CAMK2D: variants seen among roughly 807,000 people sequenced by gnomAD.
CAMK2D encodes the protein calcium/calmodulin dependent protein kinase II delta, also known as calcium/calmodulin-dependent protein kinase type II subunit delta.
In CAMK2D, 37 loss-of-function variants were observed where a neutral mutation model predicts 84.0. That is an observed-to-expected ratio of 0.44 (90% CI 0.34 to 0.58). The LOEUF is 0.58. Among genes scored for constraint, CAMK2D ranks in the 20% least tolerant of loss-of-function variants. The probability of loss-of-function intolerance (pLI) is 0.02; values close to 1 mark genes in which losing one functional copy is unlikely to be tolerated. For missense variants in CAMK2D, 448 were observed against 652.5 expected (o/e 0.69, Z 3.41); for synonymous variants, 202 against 212.5 (o/e 0.95, Z 0.43).
intron 2 of CAMK2D, among the ~76,000 whole-genome samples, chr4:113,711,228 ATACT>A (rs539181773): frequency 2.4e-4 from 37 of 151,204 alleles, no homozygotes; most frequent in East Asian, 5.8e-4. Flanking sequence ...CTTATCATAC[ATACT>A]TAAAGTTGAA....
At chr4:113,498,650 C>T (rs2097979124) in intron 16 of CAMK2D, among the ~76,000 whole-genome samples, 1 of 152,158 alleles carries the variant, frequency 6.6e-6, no homozygotes, top group African/African-American at 2.4e-5. Context: ...AATACAAATA[C>T]TATCTCAATT....
At chr4:113,583,491 CT>C (rs2098819995) in intron 4 of CAMK2D, among the ~76,000 whole-genome samples, 1 of 152,162 alleles carries the variant, frequency 6.6e-6, no homozygotes, top group Non-Finnish European at 1.5e-5. Flanking sequence ...GCAACTTGGA[CT>C]CAACTGGTAA....
intron 3 of CAMK2D, among the ~76,000 whole-genome samples, chr4:113,620,169 A>G (rs966685003): frequency 6.6e-6 from 1 of 152,178 alleles, no homozygotes; most frequent in African/African-American, 2.4e-5. Context: ...ATGGTCTTAT[A>G]AAAGCAGTGA....
chr4:113,670,564 CA>C (rs1243442805), intron 2 of CAMK2D, among the ~76,000 whole-genome samples: 2 of 151,886 alleles, frequency 1.3e-5, no homozygotes, highest in Non-Finnish European at 2.9e-5. Context: ...AGTCTACAAT[CA>C]AATAGTACTT....
At chr4:113,628,218 T>C (rs1298858781) in intron 3 of CAMK2D, among the ~76,000 whole-genome samples, 1 of 152,186 alleles carries the variant, frequency 6.6e-6, no homozygotes. Context: ...GCATGAATTA[T>C]AAACACTACT....
intron 4 of CAMK2D, among the ~76,000 whole-genome samples, chr4:113,556,220 A>G (rs1340197456): frequency 6.6e-6 from 1 of 152,208 alleles, no homozygotes; most frequent in Non-Finnish European, 1.5e-5. Flanking sequence ...CAAGGAAATG[A>G]AAGTAATGGA....
chr4:113,537,539 A>G (rs1330271395), intron 6 of CAMK2D, 96 bp from the exon 7 acceptor site: 6 of 700,966 alleles, frequency 8.6e-6, no homozygotes, highest in Non-Finnish European at 1.5e-5. Flanking sequence ...GGGGGAAAAA[A>G]TTCATGCACT....
At chr4:113,740,358 G>A (rs1369434614) in intron 2 of CAMK2D, among the ~76,000 whole-genome samples, 1 of 145,676 alleles carries the variant, frequency 6.9e-6, no homozygotes, top group Non-Finnish European at 1.5e-5. Context: ...CACCTTGAAA[G>A]TATTATGCTA....
chr4:113,513,092 T>C (rs1590472940), intron 12 of CAMK2D: 3 of 822,414 alleles, frequency 3.6e-6, no homozygotes, highest in Non-Finnish European at 4.4e-6. Context: ...TGGTGGCCAC[T>C]GCTGCCAGAA....
chr4:113,457,161 T>C, intron 19 of CAMK2D, 174 bp downstream of exon 19: 2 of 1,434,852 alleles, frequency 1.4e-6, no homozygotes, highest in Non-Finnish European at 1.8e-6. Context: ...AAATGGCTGA[T>C]CTGATTGATC....
intron 6 of CAMK2D, 145 bp from the exon 7 acceptor site, chr4:113,537,588 GA>G: frequency 1.6e-6 from 1 of 614,370 alleles, no homozygotes. Context: ...AAATCCCAGG[GA>G]AAATACAGTT....
intron 4 of CAMK2D, among the ~76,000 whole-genome samples, chr4:113,582,864 T>C (rs1178378683): frequency 6.6e-6 from 1 of 152,232 alleles, no homozygotes; most frequent in Non-Finnish European, 1.5e-5. Flanking sequence ...CACTCTCCCA[T>C]GGCATTCTGC....
chr4:113,587,485 C>T (rs894981670), intron 4 of CAMK2D, among the ~76,000 whole-genome samples: 1 of 152,172 alleles, frequency 6.6e-6, no homozygotes, highest in South Asian at 2.1e-4. Context: ...CTCTCTTTCA[C>T]ACCGTAACAC....
intron 2 of CAMK2D, among the ~76,000 whole-genome samples, chr4:113,667,645 A>G (rs1295819469): frequency 6.6e-6 from 1 of 152,198 alleles, no homozygotes; most frequent in Non-Finnish European, 1.5e-5. Flanking sequence ...AGAAGGGGCT[A>G]AGGAAAGGGC....
chr4:113,756,428 C>T (rs1328526416), intron 2 of CAMK2D, among the ~76,000 whole-genome samples: 1 of 151,806 alleles, frequency 6.6e-6, no homozygotes, highest in East Asian at 1.9e-4. Context: ...CAAAAATTTG[C>T]ACAAAAAAAG....
At chr4:113,505,600 T>A (rs1478640182) in intron 13 of CAMK2D, among the ~76,000 whole-genome samples, 1 of 69,424 alleles carries the variant, frequency 1.4e-5, no homozygotes, top group Non-Finnish European at 3.2e-5. Flanking sequence ...AAAAATTACA[T>A]CTTCAATTAT....
intron 2 of CAMK2D, among the ~76,000 whole-genome samples, chr4:113,751,561 G>T (rs535123289): frequency 1.3e-5 from 2 of 152,024 alleles, no homozygotes; most frequent in African/African-American, 2.4e-5. Context: ...CACGAGGTCC[G>T]GTGTTCGAGA....
intron 8 of CAMK2D, among the ~76,000 whole-genome samples, chr4:113,519,502 C>G (rs1026063316): frequency 6.6e-6 from 1 of 151,416 alleles, no homozygotes; most frequent in African/African-American, 2.4e-5. Flanking sequence ...AAAAAAAACA[C>G]TTTTAGGCCC....
At chr4:113,641,987 G>A (rs926913678) in intron 3 of CAMK2D, among the ~76,000 whole-genome samples, 5 of 151,826 alleles carry the variant, frequency 3.3e-5, no homozygotes, top group African/African-American at 1.2e-4. Flanking sequence ...TCCAGCCTGG[G>A]CAACAAGAGC....
Sources: gnomAD v4.1 joint callset for allele counts (sites outside exome capture counted in the v4.1 genomes callset) on GRCh38, gnomAD v4.1.1 for gene constraint, MANE v1.5 for transcripts, NCBI Gene and HGNC (gene_info 2026-07-23, HGNC 2026-07-21) for gene names.